Variants in CEP112 observed in about 807,000 individuals in gnomAD.
The protein encoded by CEP112 is centrosomal protein 112, also known as centrosomal protein of 112 kDa.
A neutral mutation model predicts 153.0 loss-of-function variants in CEP112; 127 were observed. The observed-to-expected ratio is 0.83, with a 90% confidence interval of 0.72 to 0.96. CEP112 has a LOEUF of 0.96. Ranked by LOEUF, CEP112 falls within the 40% of genes least tolerant of loss-of-function variation. The pLI is 0.00. For synonymous variants in CEP112, 358 were observed against 374.4 expected, an observed-to-expected ratio of 0.96 and a Z score of 0.51; for missense variants, 1,089 against 1,101.2, an observed-to-expected ratio of 0.99 and a Z score of 0.16.
At chr17:65,967,772 T>C (rs1488882912) in intron 17 of CEP112, among the ~76,000 whole-genome samples, 1 of 152,132 alleles carries the variant, frequency 6.6e-6, no homozygotes, top group African/African-American at 2.4e-5. Context: ...TAAACTAACT[T>C]CTGCCTGTAA....
At chr17:65,959,801 C>G (rs189397384) in intron 18 of CEP112, among the ~76,000 whole-genome samples, 10 of 152,334 alleles carry the variant, frequency 6.6e-5, no homozygotes, top group Non-Finnish European at 1.3e-4. Flanking sequence ...GACTGCACAG[C>G]GGCCAGACCC....
intron 24 of CEP112, among the ~76,000 whole-genome samples, chr17:65,648,283 T>C (rs2045550299): frequency 6.6e-6 from 1 of 152,098 alleles, no homozygotes; most frequent in Non-Finnish European, 1.5e-5. Context: ...TTCCTTCCTT[T>C]AGCAAAATAA....
intron 21 of CEP112, among the ~76,000 whole-genome samples, chr17:65,840,487 A>C (rs1438340599): frequency 6.6e-6 from 1 of 152,118 alleles, no homozygotes; most frequent in Non-Finnish European, 1.5e-5. Context: ...ATCTCTCACC[A>C]TATACAAAAA....
chr17:65,983,066 C>T (rs9914676), intron 17 of CEP112, among the ~76,000 whole-genome samples: 79,141 of 151,952 alleles, frequency 0.52, 21,602 homozygotes, highest in African/African-American at 0.6. Context: ...TGACAGAAGG[C>T]GGGGAATGGG....
chr17:66,006,521 G>A (rs961223433), intron 16 of CEP112, among the ~76,000 whole-genome samples: 3 of 151,954 alleles, frequency 2.0e-5, no homozygotes, highest in Middle Eastern at 3.4e-3. Flanking sequence ...CAGGAGAATC[G>A]CTTGAACCCA....
At chr17:65,870,677 C>G (rs563294953) in intron 20 of CEP112, among the ~76,000 whole-genome samples, 36 of 152,262 alleles carry the variant, frequency 2.4e-4, no homozygotes, top group South Asian at 8.3e-4. Context: ...GGTGCATTAT[C>G]CATAACTCAC....
intron 21 of CEP112, among the ~76,000 whole-genome samples, chr17:65,789,842 A>T (rs374332332): frequency 3.3e-5 from 5 of 152,304 alleles, no homozygotes; most frequent in Non-Finnish European, 7.3e-5. Context: ...GAGGGGGAAT[A>T]TGTTGTACAT....
intron 11 of CEP112, among the ~76,000 whole-genome samples, chr17:66,054,858 G>A (rs1002642836): frequency 6.6e-6 from 1 of 152,156 alleles, no homozygotes; most frequent in Non-Finnish European, 1.5e-5. Flanking sequence ...CCAGGTTCAC[G>A]TGATTCTCCT....
intron 24 of CEP112, among the ~76,000 whole-genome samples, chr17:65,669,860 G>A (rs972246456): frequency 3.3e-5 from 5 of 150,310 alleles, no homozygotes; most frequent in African/African-American, 4.9e-5. Flanking sequence ...CCGAGATCGC[G>A]CCACTGCACT....
intron 23 of CEP112, among the ~76,000 whole-genome samples, chr17:65,703,448 T>C (rs961607645): frequency 1.3e-5 from 2 of 150,194 alleles, no homozygotes; most frequent in African/African-American, 4.9e-5. Context: ...GAGGTGAAGG[T>C]TGCAGTGAGT....
At chr17:65,998,969 T>G (rs1598058034) in intron 17 of CEP112, among the ~76,000 whole-genome samples, 1 of 152,042 alleles carries the variant, frequency 6.6e-6, no homozygotes, top group Non-Finnish European at 1.5e-5. Context: ...AATTTAGAAT[T>G]TAAATACAGA....
intron 21 of CEP112, among the ~76,000 whole-genome samples, chr17:65,810,437 C>T (rs925805839): frequency 3.9e-5 from 6 of 152,032 alleles, no homozygotes; most frequent in Non-Finnish European, 7.4e-5. Flanking sequence ...TATCCTGTCT[C>T]CTCTAGCCAT....
chr17:65,896,205 A>G lies in CEP112; in HGVS notation c.2163+5947T>C, dbSNP rs554070437. Reference sequence around the variant, plus strand: ...ACTGCCACATTTTAAAAATATGCACAGGACTAAAGATACACTGTATCTTCT... The same window carrying G: ...ACTGCCACATTTTAAAAATATGCACGGGACTAAAGATACACTGTATCTTCT... On this transcript the variant is annotated intron_variant, in intron 20 of 26. Coordinates refer to ENST00000535342, the MANE Select transcript of CEP112 (RefSeq NM_001199165.4). Among the ~76,000 whole-genome samples the G allele has an allele frequency of 3.9e-5, 6 of 152,240 alleles. No individual in the cohort carries two copies. In the East Asian group the frequency reaches 1.2e-3, roughly 29 times the overall value.
intron 22 of CEP112, among the ~76,000 whole-genome samples, chr17:65,748,434 A>C (rs1270869906): frequency 6.6e-6 from 1 of 152,298 alleles, no homozygotes; most frequent in East Asian, 1.9e-4. Flanking sequence ...GGGAGATTTT[A>C]TCACCTTGTG....
At chr17:65,921,988 T>A (rs1272239413) in intron 19 of CEP112, among the ~76,000 whole-genome samples, 1 of 152,176 alleles carries the variant, frequency 6.6e-6, no homozygotes, top group African/African-American at 2.4e-5. Context: ...AAAAAATAAC[T>A]AGGATTTTTG....
At chr17:65,795,945 C>T (rs776312384) in intron 21 of CEP112, among the ~76,000 whole-genome samples, 3 of 152,280 alleles carry the variant, frequency 2.0e-5, no homozygotes, top group East Asian at 3.9e-4. Flanking sequence ...GTTCACACTT[C>T]GGTAATTAGC....
At chr17:66,097,956 A>G (rs1221519483) in intron 6 of CEP112, among the ~76,000 whole-genome samples, 2 of 152,178 alleles carry the variant, frequency 1.3e-5, no homozygotes, top group East Asian at 3.9e-4. Context: ...TTAAATTAAG[A>G]TTCATCTAAA....
chr17:66,016,741 T>C (rs12938549), intron 16 of CEP112, among the ~76,000 whole-genome samples: 62,404 of 151,896 alleles, frequency 0.41, 14,281 homozygotes, highest in East Asian at 0.87. Flanking sequence ...CTCTATTTAC[T>C]GTTGATTTTT....
intron 4 of CEP112, among the ~76,000 whole-genome samples, chr17:66,158,187 T>C: frequency 6.6e-6 from 1 of 152,052 alleles, no homozygotes; most frequent in Non-Finnish European, 1.5e-5. Flanking sequence ...TAATAAACAG[T>C]CTCTCAGACC....
Sources: gnomAD v4.1 joint callset for allele counts (sites outside exome capture counted in the v4.1 genomes callset) on GRCh38, gnomAD v4.1.1 for gene constraint, MANE v1.5 for transcripts, NCBI Gene and HGNC (gene_info 2026-07-23, HGNC 2026-07-21) for gene names.